SASH1: variants seen among roughly 807,000 people sequenced by gnomAD.
SASH1 encodes the protein SAM and SH3 domain containing 1, also known as SAM and SH3 domain-containing protein 1.
A neutral mutation model predicts 125.2 loss-of-function variants in SASH1; 44 were observed. That is an observed-to-expected ratio of 0.35 (90% confidence interval 0.28 to 0.45). SASH1 has a LOEUF of 0.45. Ranked by LOEUF, SASH1 falls within the 20% of genes least tolerant of loss-of-function variation. The pLI is 1.00. For missense variants in SASH1, 1,426 were observed against 1,614.5 expected, an observed-to-expected ratio of 0.88 and a Z score of 2.00; for synonymous variants, 639 against 649.1, an observed-to-expected ratio of 0.98 and a Z score of 0.24.
chr6:148,226,719 G>A, the SASH1 span, among the ~76,000 whole-genome samples: 11 of 152,274 alleles, frequency 7.2e-5, no homozygotes, highest in African/African-American at 2.4e-4. Context: ...GCTGTTGTAA[G>A]TACACTTATG....
chr6:148,399,019 G>A (rs1294555490), intron 2 of SASH1, among the ~76,000 whole-genome samples: 3 of 152,014 alleles, frequency 2.0e-5, no homozygotes, highest in Admixed American at 6.6e-5. Flanking sequence ...TGTACCTTTG[G>A]TAATTAAGAA....
At chr6:148,444,797 G>A (rs1776704051) in intron 4 of SASH1, among the ~76,000 whole-genome samples, 1 of 152,216 alleles carries the variant, frequency 6.6e-6, no homozygotes, top group Non-Finnish European at 1.5e-5. Flanking sequence ...TAAACTGAAA[G>A]CAAGTTTATC....
chr6:148,449,078 C>CA (rs763181287), intron 4 of SASH1, among the ~76,000 whole-genome samples: 1,232 of 88,598 alleles, frequency 0.014, 36 homozygotes, highest in African/African-American at 0.051. Context: ...CATTTCATTT[C>CA]TTTTTTTTTT....
At chr6:148,333,854 G>T (rs937937418) in intron 1 of SASH1, among the ~76,000 whole-genome samples, 1 of 147,448 alleles carries the variant, frequency 6.8e-6, no homozygotes, top group Non-Finnish European at 1.5e-5. Context: ...ACACAGTCAC[G>T]CTGTGTCGCC....
intron 2 of SASH1, among the ~76,000 whole-genome samples, chr6:148,418,755 G>A (rs1198840669): frequency 2.0e-5 from 3 of 152,164 alleles, no homozygotes; most frequent in African/African-American, 4.8e-5. Flanking sequence ...GCAGTATTCC[G>A]ATGGAAGCAC....
At chr6:148,224,861 G>A in the SASH1 span, among the ~76,000 whole-genome samples, 6 of 152,066 alleles carry the variant, frequency 3.9e-5, no homozygotes, top group African/African-American at 7.2e-5. Context: ...GATCATCTTA[G>A]GAAAAAATAG....
At chr6:148,315,830 G>A (rs975387583) in intron 1 of SASH1, among the ~76,000 whole-genome samples, 3 of 152,164 alleles carry the variant, frequency 2.0e-5, no homozygotes, top group African/African-American at 4.8e-5. Flanking sequence ...CTTGAGCCTG[G>A]GAGGTCGAGG....
At chr6:148,409,308 A>C (rs186046895) in intron 2 of SASH1, among the ~76,000 whole-genome samples, 2 of 152,220 alleles carry the variant, frequency 1.3e-5, no homozygotes. Flanking sequence ...TGGATATCCA[A>C]TTATAAAGAG....
At chr6:148,389,486 T>A (rs1783609816) in intron 1 of SASH1, among the ~76,000 whole-genome samples, 1 of 152,232 alleles carries the variant, frequency 6.6e-6, no homozygotes, top group African/African-American at 2.4e-5. Context: ...ATGAATAATA[T>A]GAATATTAAT....
At chr6:148,470,220 GA>G (rs936503142) in intron 5 of SASH1, among the ~76,000 whole-genome samples, 1 of 152,186 alleles carries the variant, frequency 6.6e-6, no homozygotes, top group African/African-American at 2.4e-5. Flanking sequence ...GTCTTTGGCG[GA>G]AAGGCTCGGG....
At chr6:148,395,443 C>T (rs1358560616) in intron 2 of SASH1, among the ~76,000 whole-genome samples, 1 of 152,208 alleles carries the variant, frequency 6.6e-6, no homozygotes, top group Non-Finnish European at 1.5e-5. Context: ...TTCTCTAGGA[C>T]TTAATCACCC....
chr6:148,523,912 G>C (rs918199747), intron 10 of SASH1, among the ~76,000 whole-genome samples: 3 of 151,910 alleles, frequency 2.0e-5, no homozygotes, highest in Non-Finnish European at 4.4e-5. Context: ...TGCGCTAGAA[G>C]GCTTCAAATA....
At chr6:148,254,948 A>G in the SASH1 span, among the ~76,000 whole-genome samples, 1 of 152,222 alleles carries the variant, frequency 6.6e-6, no homozygotes, top group African/African-American at 2.4e-5. Context: ...AAATGTGGAA[A>G]TAACCCAAAT....
intron 4 of SASH1, among the ~76,000 whole-genome samples, chr6:148,446,260 C>T (rs1055655442): frequency 1.3e-5 from 2 of 151,906 alleles, no homozygotes; most frequent in Admixed American, 1.3e-4. Flanking sequence ...AGGTGCCCGC[C>T]ATCATGCCCA....
intron 2 of SASH1, among the ~76,000 whole-genome samples, chr6:148,439,775 C>CAAA (rs34995107): frequency 1.1e-4 from 14 of 133,228 alleles, no homozygotes; most frequent in East Asian, 2.2e-4. Context: ...GACTCTGTCT[C>CAAA]AAAAAAAAAA....
chr6:148,250,943 G>C, the SASH1 span, among the ~76,000 whole-genome samples: 1 of 152,164 alleles, frequency 6.6e-6, no homozygotes, highest in African/African-American at 2.4e-5. Context: ...TTTGTGCCTT[G>C]TTATGACAAG....
At chr6:148,195,958 T>C in the SASH1 span, among the ~76,000 whole-genome samples, 1 of 152,206 alleles carries the variant, frequency 6.6e-6, no homozygotes, top group Non-Finnish European at 1.5e-5. Context: ...CTGAACTGTG[T>C]AGATTGTGAG....
In SASH1 at chr6:148,543,667, C is replaced by T. The variant is rs931038026; in HGVS notation, c.2210-13C>T. On this transcript the variant is annotated splice_polypyrimidine_tract_variant and intron_variant, in intron 17 of 19. Coordinates refer to ENST00000367467, the MANE Select transcript of SASH1 (RefSeq NM_015278.5). ...TTTAAAATGTGATTGTAAAATATTC[C>T]CTTGTCTCACAGGCAAGACTCGGAA... is the stretch of plus-strand genomic sequence containing the variant. 6.6e-7 allele frequency: 1 copy of T among 1,516,690 alleles called. No individual in the cohort carries two copies. Among genetic ancestry groups the T allele is most frequent in the African/African-American group, 1.4e-5 (1 of 71,614 alleles). The allele number at this position is 1,516,690 out of a possible 1,614,324, so 94.0% of individuals were successfully genotyped here.
chr6:148,298,408 T>A (rs975815722), intron 1 of SASH1, among the ~76,000 whole-genome samples: 1 of 152,062 alleles, frequency 6.6e-6, no homozygotes, highest in African/African-American at 2.4e-5. Context: ...GGCAGGAGGA[T>A]TGCTTGAGCC....
Sources: allele counts gnomAD v4.1 joint callset (sites outside exome capture counted in the v4.1 genomes callset), GRCh38; gene constraint gnomAD v4.1.1; transcripts MANE v1.5; gene names NCBI Gene and HGNC (gene_info 2026-07-23, HGNC 2026-07-21).